The following EDA2R variants were observed in gnomAD, a reference collection of about 807,000 sequenced individuals.
The protein encoded by EDA2R is tumor necrosis factor receptor superfamily member 27.
Under a neutral mutation model 20.1 loss-of-function variants are expected in EDA2R, and 26 were observed. That is an observed-to-expected ratio of 1.30 (90% CI 0.95 to 1.80). EDA2R has a LOEUF of 1.80. Among genes scored for constraint, EDA2R ranks in the 40% most tolerant of loss-of-function variants. The pLI is 0.00. For missense variants in EDA2R, 277 were observed against 228.7 expected, an observed-to-expected ratio of 1.21 and a Z score of -1.36; for synonymous variants, 114 against 88.7, an observed-to-expected ratio of 1.29 and a Z score of -1.60.
chrX:66,602,597 C>A, intron 5 of EDA2R, 36 bp downstream of exon 5: 1 of 1,162,370 alleles, frequency 8.6e-7, no homozygotes, highest in African/African-American at 1.8e-5. Context: ...GAGCCTTGTT[C>A]CTGATTCATG....
Position 66,602,795 on chromosome X carries a change from C to G in EDA2R, c.355G>C (p.Ala119Pro), listed in dbSNP as rs774658464. 2.5e-6 allele frequency: 3 copies of G among 1,179,554 alleles called. No individual in the cohort carries two copies. The highest frequency in any genetic ancestry group is 3.1e-5 in the East Asian group (1 of 32,558). Residue 119 changes from alanine to proline, a missense_variant and splice_region_variant, in exon 5 of 7, where the codon GCC (alanine) becomes CCC (proline). Coordinates refer to ENST00000374719, the MANE Select transcript of EDA2R (RefSeq NM_021783.5). ...KQTPTSEVQC[A>P]FQLSLVEADT... ...GCCTCCACTAAGCTCAACTGGAAGGCACCTGTGAGACAAAAAAATGGGGGA... is the reference window on the plus strand; with the variant it reads ...GCCTCCACTAAGCTCAACTGGAAGGGACCTGTGAGACAAAAAAATGGGGGA...
chrX:66,602,461 C>G (rs1185705687), intron 5 of EDA2R, among the ~76,000 whole-genome samples, 172 bp downstream of exon 5: 1 of 111,140 alleles, frequency 9.0e-6, no homozygotes, highest in Non-Finnish European at 1.9e-5. Flanking sequence ...TCTTAAGTCC[C>G]ATGCTTTCCA....
intron 1 of EDA2R, among the ~76,000 whole-genome samples, chrX:66,631,638 G>A (rs190068785): frequency 9.0e-6 from 1 of 111,378 alleles, no homozygotes; most frequent in East Asian, 2.8e-4. Flanking sequence ...TAGGGTTACT[G>A]CCCAAGCTTT....
chrX:66,624,454 G>A (rs1233662102), intron 1 of EDA2R, among the ~76,000 whole-genome samples: 1 of 112,051 alleles, frequency 8.9e-6, no homozygotes, highest in Admixed American at 9.4e-5. Flanking sequence ...AGGAGGCTGA[G>A]TTTGCTGTAA....
chrX:66,598,322 G>A (rs778955991), intron 6 of EDA2R, among the ~76,000 whole-genome samples: 95 of 112,136 alleles, frequency 8.5e-4, no homozygotes, highest in Admixed American at 1.6e-3. Flanking sequence ...AGAACCTAAA[G>A]TGGTATTCTC....
chrX:66,600,811 T>C (rs1256340683), intron 5 of EDA2R, among the ~76,000 whole-genome samples: 1 of 112,165 alleles, frequency 8.9e-6, no homozygotes, highest in Non-Finnish European at 1.9e-5. Flanking sequence ...TTCAAATTCA[T>C]TGACTATGGT....
chrX:66,624,522 T>A (rs1051293320), intron 1 of EDA2R, among the ~76,000 whole-genome samples: 2 of 111,329 alleles, frequency 1.8e-5, no homozygotes. Flanking sequence ...CTGTCTCAAA[T>A]AAATAAATGA....
intron 1 of EDA2R, among the ~76,000 whole-genome samples, chrX:66,637,569 T>G (rs779396783): frequency 8.9e-6 from 1 of 112,507 alleles, no homozygotes; most frequent in Non-Finnish European, 1.9e-5. Flanking sequence ...AATCGTACTC[T>G]AAAATCCAGC....
intron 2 of EDA2R, among the ~76,000 whole-genome samples, chrX:66,609,626 C>T (rs1197423399): frequency 9.0e-6 from 1 of 111,687 alleles, no homozygotes; most frequent in African/African-American, 3.3e-5. Flanking sequence ...GTAATGAAGA[C>T]CTATCTTTAA....
chrX:66,606,286 T>C (rs7059194), intron 2 of EDA2R, among the ~76,000 whole-genome samples: 7,577 of 111,844 alleles, frequency 0.068, 637 homozygotes, highest in African/African-American at 0.23. Flanking sequence ...GCCAAAATTC[T>C]TTAACCCCAC....
rs775774109 is a variant in EDA2R, at chrX:66,597,609, ATG to A, written c.*493_*494del. ...GAGGCCTCCCCCAAGATAGATATTA[ATG>A]TGTGTGTGTGTGTTTGTGTGTCTAT... On this transcript the variant is annotated 3_prime_UTR_variant, in exon 7 of 7. Transcript: ENST00000374719. 21 of 110,284 alleles carry A rather than the reference ATG, an allele frequency of 1.9e-4. No individual in the cohort carries two copies. Among genetic ancestry groups the A allele is most frequent in the Non-Finnish European group, 2.5e-4 (13 of 52,780 alleles). The allele number at this position is 110,284 out of a possible 1,213,427, so 9.1% of individuals were successfully genotyped here.
chrX:66,618,589 T>C (rs1394279648), intron 1 of EDA2R, among the ~76,000 whole-genome samples: 1 of 112,256 alleles, frequency 8.9e-6, no homozygotes, highest in Admixed American at 9.4e-5. Context: ...TACAGACCTA[T>C]AAAGTTCCCA....
chrX:66,599,800 G>A lies in EDA2R; in HGVS notation c.578C>T (p.Pro193Leu). The A allele has an allele frequency of 8.3e-7, 1 of 1,209,051 alleles. No homozygotes were observed. Among genetic ancestry groups the A allele is most frequent in the Non-Finnish European group, 1.1e-6 (1 of 894,344 alleles). ...TAKEESLFPV[P>L]PSKETSAESQ... ...CTCAGCACTGGTCTCCTTGCTGGGT[G>A]GCACGGGGAAGAGAGATTCCTCCTT... The change falls in exon 6 of 7, where the codon CCA (proline) becomes CTA (leucine). Residue 193 changes from proline (P) to leucine (L), a missense_variant. Transcript: ENST00000374719.
chrX:66,605,209 C>A lies in EDA2R; in HGVS notation c.105G>T (p.Glu35Asp). 1 of 1,206,877 alleles carries A rather than the reference C, an allele frequency of 8.3e-7. No individual in the cohort carries two copies. The highest frequency in any genetic ancestry group is 1.1e-6 in the Non-Finnish European group (1 of 893,211). Residue 35 changes from glutamate (E) to aspartate (D), a missense_variant, in exon 3 of 7, where the codon GAG (glutamate) becomes GAT (aspartate). Coordinates refer to ENST00000374719, the MANE Select transcript of EDA2R (RefSeq NM_021783.5). ...AGGCTGTGCAGTAGGCATCTCCACC[C>A]TCTCCATAACCACAATCCTGTAGAC... ...QELSKDCGYG[E>D]GGDAYCTACP...
At chrX:66,621,826 C>T (rs886445585) in intron 1 of EDA2R, among the ~76,000 whole-genome samples, 1 of 111,794 alleles carries the variant, frequency 8.9e-6, no homozygotes, top group Non-Finnish European at 1.9e-5. Flanking sequence ...ACAGTGGTGA[C>T]GGTCGTGTGA....
At chrX:66,624,034 C>A (rs1223541249) in intron 1 of EDA2R, among the ~76,000 whole-genome samples, 4 of 112,487 alleles carry the variant, frequency 3.6e-5, no homozygotes, top group African/African-American at 1.3e-4. Context: ...TCAGTGCTTA[C>A]AATAGTGCCT....
chrX:66,600,999 C>T (rs960133202), intron 5 of EDA2R, among the ~76,000 whole-genome samples: 9 of 112,084 alleles, frequency 8.0e-5, no homozygotes, highest in African/African-American at 2.9e-4. Context: ...TCTCTTGCAA[C>T]CTTACACTGG....
At chrX:66,610,272 A>AACACAC (rs10657734) in intron 2 of EDA2R, among the ~76,000 whole-genome samples, 36,454 of 86,990 alleles carry the variant, frequency 0.42, 7,238 homozygotes, top group East Asian at 0.66. Flanking sequence ...CAGATACACA[A>AACACAC]ACACACACAC....
chrX:66,605,198 G>T lies in EDA2R; in HGVS notation c.116C>A (p.Ala39Asp), dbSNP rs1181219779. ...KDCGYGEGGDAYCTACPPRRY... is the reference protein window; with the variant it reads ...KDCGYGEGGDDYCTACPPRRY... ...GCGAGGAGGGCAGGCTGTGCAGTAGGCATCTCCACCCTCTCCATAACCACA... is the reference window on the plus strand; with the variant it reads ...GCGAGGAGGGCAGGCTGTGCAGTAGTCATCTCCACCCTCTCCATAACCACA... The change falls in exon 3 of 7, where the codon GCC becomes GAC. Residue 39 changes from alanine (A) to aspartate (D), a missense_variant. Physicochemically the swap from Ala to Asp is moderately radical, Grantham distance 126. Transcript: ENST00000374719. 2 of 1,208,754 alleles carry T rather than the reference G, an allele frequency of 1.7e-6. No homozygotes were observed. Among genetic ancestry groups the T allele is most frequent in the South Asian group, 3.6e-5 (2 of 56,271 alleles).
Sources: allele counts gnomAD v4.1 joint callset (sites outside exome capture counted in the v4.1 genomes callset), GRCh38; gene constraint gnomAD v4.1.1; transcripts MANE v1.5; gene names NCBI Gene and HGNC (gene_info 2026-07-23, HGNC 2026-07-21).